GALNT13: variants seen among roughly 807,000 people sequenced by gnomAD.
GALNT13 encodes UDP-GalNAc:polypeptide N-acetylgalactosaminyltransferase 13.
Under a neutral mutation model 64.2 loss-of-function variants are expected in GALNT13, and 28 were observed. That is an observed-to-expected ratio of 0.44 (90% CI 0.32 to 0.60). GALNT13 has a LOEUF of 0.60. GALNT13 is among the 20% of genes least tolerant of loss of function. The pLI is 0.05. For missense variants in GALNT13, 577 were observed against 669.8 expected, an observed-to-expected ratio of 0.86 and a Z score of 1.53; for synonymous variants, 214 against 224.6, an observed-to-expected ratio of 0.95 and a Z score of 0.42.
chr2:154,225,244 ATGT>A (rs1688556180), intron 4 of GALNT13, among the ~76,000 whole-genome samples: 1 of 152,070 alleles, frequency 6.6e-6, no homozygotes, highest in Non-Finnish European at 1.5e-5. Flanking sequence ...ACATTCAAAG[ATGT>A]TTGACTTCAT....
rs116128864 is a variant in GALNT13, at chr2:154,371,583, A to G, written c.1157-24408A>G. 2.0e-3 allele frequency among the ~76,000 whole-genome samples: 301 copies of G among 152,190 alleles called. 3 individuals are homozygous for G. Among genetic ancestry groups the G allele is most frequent in the African/African-American group, 6.8e-3 (281 of 41,564 alleles). ...TTCAGGATTAAGAGGAAACAATAGC[A>G]AAAGGAAATTTCTTGAGGAGGGCAG... On this transcript the variant is annotated intron_variant, in intron 9 of 12. Transcript: ENST00000392825.
chr2:153,457,475 G>A, the GALNT13 span, among the ~76,000 whole-genome samples: 4 of 152,038 alleles, frequency 2.6e-5, no homozygotes. Context: ...TTGAAAATGG[G>A]ACTTTGCTTC....
chr2:153,914,830 G>A (rs1013792811), intron 2 of GALNT13, among the ~76,000 whole-genome samples: 4 of 152,142 alleles, frequency 2.6e-5, no homozygotes, highest in South Asian at 2.1e-4. Context: ...TTTGCATAGG[G>A]GAGGAAACCT....
intron 4 of GALNT13, among the ~76,000 whole-genome samples, chr2:154,180,485 A>T (rs965941204): frequency 6.6e-6 from 1 of 151,746 alleles, no homozygotes; most frequent in African/African-American, 2.4e-5. Context: ...TTGCTGAAAG[A>T]TGTACGTTTC....
the GALNT13 span, among the ~76,000 whole-genome samples, chr2:153,650,688 T>C: frequency 2.0e-5 from 3 of 152,314 alleles, no homozygotes; most frequent in East Asian, 1.9e-4. Context: ...CATTTGCTTG[T>C]CTGCAAAGTA....
At chr2:153,736,726 T>C in the GALNT13 span, among the ~76,000 whole-genome samples, 1 of 152,172 alleles carries the variant, frequency 6.6e-6, no homozygotes, top group Non-Finnish European at 1.5e-5. Context: ...CACTAGAGGG[T>C]TCATTTTACA....
the GALNT13 span, among the ~76,000 whole-genome samples, chr2:153,233,398 A>G: frequency 2.6e-5 from 4 of 151,944 alleles, no homozygotes; most frequent in South Asian, 2.1e-4. Context: ...CTAAAACTCT[A>G]TCTATCTAGA....
the GALNT13 span, among the ~76,000 whole-genome samples, chr2:153,412,864 G>A: frequency 6.6e-6 from 1 of 152,178 alleles, no homozygotes; most frequent in African/African-American, 2.4e-5. Flanking sequence ...ATATTTCTCA[G>A]GAGAGCAATA....
chr2:154,442,365 C>G (rs1384571852), intron 12 of GALNT13, among the ~76,000 whole-genome samples: 1 of 152,064 alleles, frequency 6.6e-6, no homozygotes, highest in East Asian at 1.9e-4. Context: ...ACTTTGATTT[C>G]AAGTGTAGTT....
the GALNT13 span, among the ~76,000 whole-genome samples, chr2:153,827,258 G>C: frequency 6.6e-6 from 1 of 152,020 alleles, no homozygotes; most frequent in African/African-American, 2.4e-5. Context: ...GACCCACCAC[G>C]ATGATTCAAT....
At chr2:154,316,711 TC>T (rs1317460269) in intron 9 of GALNT13, among the ~76,000 whole-genome samples, 3 of 152,174 alleles carry the variant, frequency 2.0e-5, no homozygotes, top group Non-Finnish European at 2.9e-5. Context: ...AGGTCTCTTT[TC>T]TTCTTCTTTT....
chr2:153,719,701 G>A, the GALNT13 span, among the ~76,000 whole-genome samples: 2 of 152,038 alleles, frequency 1.3e-5, no homozygotes, highest in African/African-American at 4.8e-5. Context: ...AGGGGTGACG[G>A]ACGCACCTGG....
At chr2:154,420,845 G>C (rs1457685311) in intron 11 of GALNT13, among the ~76,000 whole-genome samples, 1 of 151,958 alleles carries the variant, frequency 6.6e-6, no homozygotes, top group African/African-American at 2.4e-5. Flanking sequence ...GCGTTGCCTA[G>C]CCCACTTTTA....
chr2:154,452,746 A>C lies in GALNT13; in HGVS notation c.*2195A>C, dbSNP rs1347967316. 2.0e-5 allele frequency: 3 copies of C among 152,198 alleles called. No individual in the cohort carries two copies. Among genetic ancestry groups the C allele is most frequent in the African/African-American group, 7.2e-5 (3 of 41,468 alleles). The allele number at this position is 152,198 out of a possible 1,614,324, so 9.4% of individuals were successfully genotyped here. ...CACGTGCCATTATAGTATCTAACAA[A>C]AAGTGGCATAAAATATTACAAAACA... On this transcript the variant is annotated 3_prime_UTR_variant, in exon 13 of 13. Transcript: ENST00000392825.
At chr2:154,138,888 C>T (rs1011999500) in intron 3 of GALNT13, among the ~76,000 whole-genome samples, 2 of 151,958 alleles carry the variant, frequency 1.3e-5, no homozygotes, top group Non-Finnish European at 2.9e-5. Flanking sequence ...TAGAAAAATA[C>T]ACCTTCTCAT....
intron 4 of GALNT13, among the ~76,000 whole-genome samples, chr2:154,204,610 G>T (rs1687342711): frequency 6.6e-6 from 1 of 152,080 alleles, no homozygotes; most frequent in Non-Finnish European, 1.5e-5. Context: ...AACCAATAAG[G>T]TGATGGACCT....
the GALNT13 span, among the ~76,000 whole-genome samples, chr2:153,803,515 A>G: frequency 6.6e-6 from 1 of 151,868 alleles, no homozygotes; most frequent in East Asian, 1.9e-4. Flanking sequence ...ACACGGTGAA[A>G]CCCCGTCTCT....
intron 12 of GALNT13, among the ~76,000 whole-genome samples, chr2:154,449,819 T>C (rs1250281866): frequency 6.6e-6 from 1 of 152,160 alleles, no homozygotes; most frequent in East Asian, 1.9e-4. Context: ...GTTTTTATGT[T>C]ATATTTTTAA....
chr2:153,795,885 G>C, the GALNT13 span, among the ~76,000 whole-genome samples: 1 of 152,092 alleles, frequency 6.6e-6, no homozygotes, highest in East Asian at 1.9e-4. Flanking sequence ...GCTATCTGTG[G>C]CATATTTTAT....
Sources: gnomAD v4.1 joint callset for allele counts (sites outside exome capture counted in the v4.1 genomes callset) on GRCh38, gnomAD v4.1.1 for gene constraint, MANE v1.5 for transcripts, NCBI Gene and HGNC (gene_info 2026-07-23, HGNC 2026-07-21) for gene names.